Variants in NUAK2 observed in about 807,000 individuals in gnomAD.
NUAK2 encodes NUAK family kinase 2.
In NUAK2, 20 loss-of-function variants were observed where a neutral mutation model predicts 29.8. The observed-to-expected ratio is 0.67, with a 90% CI of 0.47 to 0.98. The LOEUF is 0.98. NUAK2 is among the 50% of genes least tolerant of loss of function. The probability of loss-of-function intolerance (pLI) is 0.00; values close to 1 mark genes in which losing one functional copy is unlikely to be tolerated. For synonymous variants in NUAK2, 331 were observed against 342.6 expected, an observed-to-expected ratio of 0.97 and a Z score of 0.37; for missense variants, 719 against 834.5, an observed-to-expected ratio of 0.86 and a Z score of 1.71.
chr1:205,310,139 C>T (rs576885632), intron 2 of NUAK2, among the ~76,000 whole-genome samples: 1 of 152,236 alleles, frequency 6.6e-6, no homozygotes, highest in Non-Finnish European at 1.5e-5. Flanking sequence ...CTAGAGGAGT[C>T]CCAGCTTCCA....
intron 4 of NUAK2, among the ~76,000 whole-genome samples, chr1:205,307,717 G>A (rs953989341): frequency 6.6e-6 from 1 of 152,196 alleles, no homozygotes; most frequent in African/African-American, 2.4e-5. Flanking sequence ...CTTCATCTGT[G>A]GGAAGTTTCC....
Position 205,304,040 on chromosome 1 carries a change from G to T in NUAK2, c.1297C>A (p.Pro433Thr). 1 of 1,614,038 alleles carries T rather than the reference G, an allele frequency of 6.2e-7. No individual in the cohort carries two copies. The highest frequency in any genetic ancestry group is 8.5e-7 in the Non-Finnish European group (1 of 1,179,982). ...GGGGCAGCCTGCCCTGGGCTCGCAG[G>T]GATTGGGCTGAGCTCCGGAGGGTCC... ...QEDPPELSPI[P>T]ASPGQAAPLL... Residue 433 changes from proline (P) to threonine (T), a missense_variant, in exon 7 of 7, where the codon CCT becomes ACT. Pro to Thr is a conservative substitution (Grantham distance 38). Transcript: ENST00000367157. The surrounding 1 kb of genome is among the most constrained non-coding windows in gnomAD (Gnocchi z 6.5).
At position 205,319,815 on chromosome 1, in the gene NUAK2, A is replaced by T. The variant is rs116292563; in HGVS notation, c.231+1583T>A. ...TAATCTACCCCTTTCTCCAACATCC[A>T]CTCTCCTTCACCAATGAAATGACTT... On this transcript the variant is annotated intron_variant, in intron 1 of 6. Coordinates refer to ENST00000367157, the MANE Select transcript of NUAK2 (RefSeq NM_030952.3). Among the ~76,000 whole-genome samples, 354 of 151,650 alleles carry T rather than the reference A, an allele frequency of 2.3e-3. 1 individual carries two copies. Among genetic ancestry groups the T allele is most frequent in the African/African-American group, 8.2e-3 (337 of 41,300 alleles).
Position 205,321,562 on chromosome 1 carries a change from G to A in NUAK2, c.67C>T (p.Leu23=). Residue 23 remains leucine (L), a synonymous_variant, in exon 1 of 7, where the codon CTG becomes TTG. Coordinates refer to ENST00000367157, the MANE Select transcript of NUAK2 (RefSeq NM_030952.3). ...GGCGACTTGATCAGCCCTTCCGCCAGCGGCCGGGCTAGCTCTGCGGCCGAG... is the reference window on the plus strand; with the variant it reads ...GGCGACTTGATCAGCCCTTCCGCCAACGGCCGGGCTAGCTCTGCGGCCGAG... The part of the protein sequence containing the change: ...TPSAAELARP[L]AEGLIKSPKP... 3 of 1,613,712 alleles carry A rather than the reference G, an allele frequency of 1.9e-6. No individual in the cohort carries two copies. The highest frequency in any genetic ancestry group is 2.5e-6 in the Non-Finnish European group (3 of 1,179,904).
chr1:205,320,659 T>C (rs947918450), intron 1 of NUAK2, among the ~76,000 whole-genome samples: 2 of 152,176 alleles, frequency 1.3e-5, no homozygotes, highest in Non-Finnish European at 2.9e-5. Flanking sequence ...CTGTGTTTTC[T>C]ACAGTTCTGC....
intron 2 of NUAK2, among the ~76,000 whole-genome samples, chr1:205,311,382 A>G (rs188134276): frequency 6.6e-6 from 1 of 152,328 alleles, no homozygotes; most frequent in East Asian, 1.9e-4. Context: ...ACCGAATTAT[A>G]ACAACAAAAA....
intron 1 of NUAK2, among the ~76,000 whole-genome samples, chr1:205,320,601 G>A (rs1662400186): frequency 6.6e-6 from 1 of 152,166 alleles, no homozygotes; most frequent in Admixed American, 6.5e-5. Context: ...AGCAATATAA[G>A]TTCATATTTC....
At chr1:205,305,105 C>T in intron 6 of NUAK2, 94 bp downstream of exon 6, 2 of 1,494,596 alleles carry the variant, frequency 1.3e-6, no homozygotes, top group Admixed American at 3.8e-5. Context: ...GGACTGTTGC[C>T]CGTTTGACTT....
In NUAK2 at chr1:205,321,352, G is replaced by A. The variant is rs771077638; in HGVS notation, c.231+46C>T. 28 of 1,530,916 alleles carry A rather than the reference G, an allele frequency of 1.8e-5. No homozygotes were observed. In the Admixed American group the frequency reaches 5.6e-4, roughly 31 times the overall value. 94.8% of individuals were successfully genotyped at this position (1,530,916 alleles called of 1,614,324 possible). Reference sequence around the variant, plus strand: ...CGCCCTCCTCCGCTCCCTGCCGGCGGCCAAGCCGGAGCCCGCCCCGCGCCG... The same window carrying A: ...CGCCCTCCTCCGCTCCCTGCCGGCGACCAAGCCGGAGCCCGCCCCGCGCCG... On this transcript the variant is annotated intron_variant, in intron 1 of 6. Coordinates refer to ENST00000367157, the MANE Select transcript of NUAK2 (RefSeq NM_030952.3).
chr1:205,303,744 G>T lies in NUAK2; in HGVS notation c.1593C>A (p.Arg531=), dbSNP rs776770542. Reference sequence around the variant, plus strand: ...AGGGTCGGCTGGCCCGGGCCAGGGGGCGAGGTGGGGCGAGTTCATCCAGGG... The same window carrying T: ...AGGGTCGGCTGGCCCGGGCCAGGGGTCGAGGTGGGGCGAGTTCATCCAGGG... The part of the protein sequence containing the change: ...FGSLDELAPP[R]PLARASRPSG... Residue 531 remains arginine, a synonymous_variant, in exon 7 of 7, where the codon CGC becomes CGA. Coordinates refer to ENST00000367157, the MANE Select transcript of NUAK2 (RefSeq NM_030952.3). 1.2e-5 allele frequency: 19 copies of T among 1,541,862 alleles called. No homozygotes were observed. In the South Asian group the frequency reaches 1.5e-4, roughly 12 times the overall value.
At chr1:205,307,656 T>C (rs2102646999) in intron 4 of NUAK2, among the ~76,000 whole-genome samples, 1 of 152,300 alleles carries the variant, frequency 6.6e-6, no homozygotes, top group Middle Eastern at 3.4e-3. Flanking sequence ...TTTAACTACT[T>C]AAGCATGGAA....
intron 1 of NUAK2, among the ~76,000 whole-genome samples, chr1:205,315,597 G>A (rs1019333134): frequency 6.6e-6 from 1 of 152,186 alleles, no homozygotes; most frequent in African/African-American, 2.4e-5. Context: ...ATTAGGCTGG[G>A]CGCAGTGGCT....
intron 1 of NUAK2, among the ~76,000 whole-genome samples, chr1:205,320,738 C>T (rs577856718): frequency 3.5e-4 from 53 of 152,320 alleles, no homozygotes; most frequent in African/African-American, 1.2e-3. Flanking sequence ...GACTCCTACG[C>T]TCGCACCAAA....
chr1:205,306,803 A>C (rs1662187592), intron 4 of NUAK2, among the ~76,000 whole-genome samples: 1 of 152,126 alleles, frequency 6.6e-6, no homozygotes, highest in East Asian at 1.9e-4. Flanking sequence ...TTAGTGATGG[A>C]AAGGAGGGTC....
chr1:205,305,766 C>T (rs1300968578), intron 5 of NUAK2, among the ~76,000 whole-genome samples: 1 of 152,134 alleles, frequency 6.6e-6, no homozygotes, highest in Non-Finnish European at 1.5e-5. Flanking sequence ...GACTGGAGTG[C>T]AGTGGCATGA....
Position 205,303,493 on chromosome 1 carries a change from G to C in NUAK2, c.1844C>G (p.Ala615Gly). ...GACCCTCAGTGCCTGTCGGTAGGTC[G>C]CTGTCACCTCCTGGCAGTCTGTCAG... ...FSLTDCQEVT[A>G]TYRQALRVCS... The change falls in exon 7 of 7, where the codon GCG becomes GGG. Residue 615 changes from alanine to glycine, a missense_variant. Physicochemically the swap from Ala to Gly is moderately conservative, Grantham distance 60. Around this residue, in one of 3 missense-constraint regions of NUAK2, gnomAD observed 430 missense variants for 465.7 expected, o/e 0.92. Transcript: ENST00000367157. The C allele has an allele frequency of 1.9e-6, 3 of 1,608,114 alleles. No homozygotes were observed. Among genetic ancestry groups the C allele is most frequent in the African/African-American group, 1.3e-5 (1 of 74,792 alleles).
intron 1 of NUAK2, among the ~76,000 whole-genome samples, chr1:205,318,428 C>A (rs1662358770): frequency 6.6e-6 from 1 of 152,230 alleles, no homozygotes; most frequent in African/African-American, 2.4e-5. Flanking sequence ...TGCAGGCATG[C>A]CACTCACCAG....
chr1:205,316,191 C>G (rs1411927322), intron 1 of NUAK2, among the ~76,000 whole-genome samples: 1 of 152,206 alleles, frequency 6.6e-6, no homozygotes, highest in East Asian at 1.9e-4. Context: ...ACATAAGTCA[C>G]TTGACCAGAT....
chr1:205,307,790 T>C (rs1362655207), intron 4 of NUAK2, among the ~76,000 whole-genome samples: 2 of 152,202 alleles, frequency 1.3e-5, no homozygotes, highest in African/African-American at 2.4e-5. Context: ...AGTGTGTACA[T>C]ACATGAGAAG....
Sources: allele counts gnomAD v4.1 joint callset (sites outside exome capture counted in the v4.1 genomes callset), GRCh38; gene constraint gnomAD v4.1.1; regional missense constraint gnomAD v4.1.1; non-coding constraint Gnocchi (gnomAD v3.1); transcripts MANE v1.5; gene names NCBI Gene and HGNC (gene_info 2026-07-23, HGNC 2026-07-21).